FAM78B: variants seen among roughly 807,000 people sequenced by gnomAD.
FAM78B encodes the protein family with sequence similarity 78 member B.
Under a neutral mutation model 20.0 loss-of-function variants are expected in FAM78B, and 10 were observed. The observed-to-expected ratio is 0.50, with a 90% CI of 0.31 to 0.85. FAM78B has a LOEUF of 0.85. Ranked by LOEUF, FAM78B falls within the 40% of genes least tolerant of loss-of-function variation. The pLI is 0.05. For missense variants in FAM78B, 283 were observed against 345.0 expected (o/e 0.82, Z 1.42); for synonymous variants, 135 against 132.8 (o/e 1.02, Z -0.12).
At chr1:166,097,028 C>T (rs1028029847) in intron 1 of FAM78B, among the ~76,000 whole-genome samples, 6 of 152,254 alleles carry the variant, frequency 3.9e-5, no homozygotes, top group Middle Eastern at 3.4e-3. Flanking sequence ...AGGAGACCAC[C>T]CCCCAAAACT....
At chr1:166,160,490 GAAGT>G (rs939757411) in intron 1 of FAM78B, among the ~76,000 whole-genome samples, 37 of 152,236 alleles carry the variant, frequency 2.4e-4, no homozygotes, top group Admixed American at 1.3e-3. Context: ...GGAAGTGACA[GAAGT>G]AAGCCCTGTG....
intron 1 of FAM78B, among the ~76,000 whole-genome samples, chr1:166,114,983 C>A (rs944568058): frequency 6.6e-6 from 1 of 152,190 alleles, no homozygotes; most frequent in African/African-American, 2.4e-5. Flanking sequence ...TGGTGATTCT[C>A]AAATTTTAGA....
chr1:166,081,880 G>A (rs143725523), intron 1 of FAM78B, among the ~76,000 whole-genome samples: 3 of 152,278 alleles, frequency 2.0e-5, no homozygotes, highest in Non-Finnish European at 4.4e-5. Context: ...AGACCTGCCT[G>A]TCCCTCACCA....
intron 1 of FAM78B, among the ~76,000 whole-genome samples, chr1:166,101,409 T>TGAACCCATGGTGAGGAAGTTC (rs1557899917): frequency 6.6e-6 from 1 of 152,156 alleles, no homozygotes; most frequent in Admixed American, 6.6e-5. Flanking sequence ...GGAGGAAGTT[T>TGAACCCATGGTGAGGAAGTTC]GAACCCATGG....
chr1:166,152,691 T>TTG (rs1557919350), intron 1 of FAM78B, among the ~76,000 whole-genome samples: 3 of 148,154 alleles, frequency 2.0e-5, no homozygotes, highest in African/African-American at 5.2e-5. Context: ...TTTATTTATT[T>TTG]ATTTATTGAT....
At chr1:166,076,268 T>C (rs531383238) in intron 1 of FAM78B, among the ~76,000 whole-genome samples, 1 of 152,322 alleles carries the variant, frequency 6.6e-6, no homozygotes, top group Non-Finnish European at 1.5e-5. Context: ...TCCGGTTCCC[T>C]ATTTCCTCTC....
intron 1 of FAM78B, among the ~76,000 whole-genome samples, chr1:166,117,938 G>T (rs537833372): frequency 6.6e-6 from 1 of 152,088 alleles, no homozygotes; most frequent in Non-Finnish European, 1.5e-5. Flanking sequence ...GAGCAAACCC[G>T]ACATGACGCA....
chr1:166,142,783 C>T lies in FAM78B; in HGVS notation c.263+23203G>A, dbSNP rs181793739. On this transcript the variant is annotated intron_variant, in intron 1 of 1. Transcript: ENST00000354422. ...CGGGTAATGGGTCGTAAAAAGTGGG[C>T]TAGTCTTAAATCTACTGAATACCAC... Among the ~76,000 whole-genome samples, 47 of 152,246 alleles carry T rather than the reference C, an allele frequency of 3.1e-4. No individual in the cohort carries two copies. In the East Asian group the frequency reaches 8.5e-3, roughly 27 times the overall value.
Position 166,142,320 on chromosome 1 carries a change from C to T in FAM78B, c.263+23666G>A, listed in dbSNP as rs116330628. On this transcript the variant is annotated intron_variant, in intron 1 of 1. Transcript: ENST00000354422. ...TCCAACCTAGACTCTCCCAGACTCT[C>T]CCTGTGCCCTAAGTCTTCTGGGTGA... 5.2e-3 allele frequency among the ~76,000 whole-genome samples: 793 copies of T among 152,316 alleles called. 1 individual carries two copies. The highest frequency in any genetic ancestry group is 6.5e-3 in the Non-Finnish European group (439 of 68,022).
intron 1 of FAM78B, among the ~76,000 whole-genome samples, chr1:166,105,237 A>G (rs1187026016): frequency 6.6e-6 from 1 of 152,270 alleles, no homozygotes; most frequent in Non-Finnish European, 1.5e-5. Flanking sequence ...TGTTAGACCC[A>G]AAACCATAAA....
chr1:166,165,922 T>G, intron 1 of FAM78B, 64 bp downstream of exon 1: 1 of 1,597,174 alleles, frequency 6.3e-7, no homozygotes, highest in East Asian at 2.2e-5. Context: ...GGGAGGGGGG[T>G]CAAGGTGGCA....
At chr1:166,154,837 T>C (rs373830661) in intron 1 of FAM78B, 2 of 473,130 alleles carry the variant, frequency 4.2e-6, no homozygotes, top group African/African-American at 4.0e-5. Flanking sequence ...CGTCCCCATC[T>C]GTAAAAGAAG....
At chr1:166,132,469 A>C (rs1654910943) in intron 1 of FAM78B, among the ~76,000 whole-genome samples, 1 of 152,222 alleles carries the variant, frequency 6.6e-6, no homozygotes, top group South Asian at 2.1e-4. Context: ...GTTGAGGATT[A>C]AGTGAGATGT....
At chr1:166,065,322 ACTC>A (rs1190446625), downstream of FAM78B, among the ~76,000 whole-genome samples, 20 of 152,266 alleles carry the variant, frequency 1.3e-4, no homozygotes, top group Admixed American at 6.5e-5. Flanking sequence ...TCTGCTTCAA[ACTC>A]CTCATAAAGT....
At chr1:166,146,913 T>A (rs1021068394) in intron 1 of FAM78B, among the ~76,000 whole-genome samples, 3 of 152,200 alleles carry the variant, frequency 2.0e-5, no homozygotes, top group Admixed American at 6.5e-5. Context: ...TTCACCACTT[T>A]GTGAGACTAA....
At chr1:166,141,370 C>T (rs190993432) in intron 1 of FAM78B, among the ~76,000 whole-genome samples, 120 of 152,292 alleles carry the variant, frequency 7.9e-4, no homozygotes, top group East Asian at 6.2e-3. Flanking sequence ...CCAGTTATCA[C>T]GCAAGATATT....
At chr1:166,085,802 G>A (rs1232854170) in intron 1 of FAM78B, among the ~76,000 whole-genome samples, 4 of 152,216 alleles carry the variant, frequency 2.6e-5, no homozygotes, top group Admixed American at 2.0e-4. Flanking sequence ...CTTGGCCTCA[G>A]TGGTCTGGAA....
At position 166,069,555 on chromosome 1, in the gene FAM78B, G is replaced by A. The variant is rs1557887211; in HGVS notation, c.*686C>T. On this transcript the variant is annotated 3_prime_UTR_variant, in exon 2 of 2. Transcript: ENST00000354422. ...GAATAAGCAATCTTTTTGGAAAGAG[G>A]TGGGTAGACGGAACTAATGAAGTGT... The A allele has an allele frequency of 2.0e-5, 3 of 152,178 alleles. No homozygotes were observed. The highest frequency in any genetic ancestry group is 7.2e-5 in the African/African-American group (3 of 41,442). 9.4% of individuals were successfully genotyped at this position (152,178 alleles called of 1,614,324 possible).
chr1:166,146,816 C>A (rs1270257678), intron 1 of FAM78B, among the ~76,000 whole-genome samples: 1 of 152,180 alleles, frequency 6.6e-6, no homozygotes, highest in African/African-American at 2.4e-5. Context: ...GCATTCATTT[C>A]ATTTGTGCTG....
Sources: allele counts gnomAD v4.1 joint callset (sites outside exome capture counted in the v4.1 genomes callset), GRCh38; gene constraint gnomAD v4.1.1; transcripts MANE v1.5; gene names NCBI Gene and HGNC (gene_info 2026-07-23, HGNC 2026-07-21).